PMP2: variants seen among roughly 807,000 people sequenced by gnomAD.
PMP2 encodes myelin P2 protein.
In PMP2, 11 loss-of-function variants were observed where a neutral mutation model predicts 15.9. The observed-to-expected ratio is 0.69, with a 90% CI of 0.44 to 1.14. PMP2 has a LOEUF of 1.14. PMP2 is among the 50% of genes most tolerant of loss of function. PMP2 has a pLI of 0.00. For missense variants in PMP2, 151 were observed against 154.0 expected, an observed-to-expected ratio of 0.98 and a Z score of 0.10; for synonymous variants, 55 against 54.1, an observed-to-expected ratio of 1.02 and a Z score of -0.07.
Position 81,442,313 on chromosome 8 carries a change from G to T in PMP2, c.*1085C>A, listed in dbSNP as rs1181895237. The T allele has an allele frequency of 6.6e-6, 1 of 152,422 alleles. No homozygotes were observed. The highest frequency in any genetic ancestry group is 1.5e-5 in the Non-Finnish European group (1 of 67,938). 9.4% of individuals were successfully genotyped at this position (152,422 alleles called of 1,614,324 possible). A position where few individuals can be genotyped will look rare whatever the true frequency, so the allele number is the denominator to read the frequency against. On this transcript the variant is annotated 3_prime_UTR_variant, in exon 4 of 4. Coordinates refer to ENST00000256103, the MANE Select transcript of PMP2 (RefSeq NM_002677.5). ...AGTTTTATTATTACTTGGGCACAAT[G>T]CAATGGTCCCCCGTTCCTGCCTGTC...
chr8:81,445,282 T>C (rs1807429594), intron 1 of PMP2, among the ~76,000 whole-genome samples: 1 of 152,014 alleles, frequency 6.6e-6, no homozygotes, highest in African/African-American at 2.4e-5. Flanking sequence ...TGGAGTGCAA[T>C]GGAGCAATCT....
chr8:81,442,708 T>TGG lies in PMP2; in HGVS notation c.*688_*689dup, dbSNP rs1254771099. 1.3e-5 allele frequency: 2 copies of TGG among 151,874 alleles called. No homozygotes were observed. The highest frequency in any genetic ancestry group is 2.9e-5 in the Non-Finnish European group (2 of 67,908). 9.4% of individuals were successfully genotyped at this position (151,874 alleles called of 1,614,324 possible). A position where few individuals can be genotyped will look rare whatever the true frequency, so the allele number is the denominator to read the frequency against. The stretch of plus-strand genomic sequence containing the variant: ...AACCACTACTTGCTTTTGGTAGGGG[T>TGG]GGAACAGAAAAGGACACTGATTGGG... On this transcript the variant is annotated 3_prime_UTR_variant, in exon 4 of 4. Transcript: ENST00000256103.
At chr8:81,447,258 C>G in intron 1 of PMP2, 56 bp downstream of exon 1, 1 of 1,326,852 alleles carries the variant, frequency 7.5e-7, no homozygotes. Context: ...ATGAAAATGT[C>G]ATGTAGCTTT....
chr8:81,443,214 T>A lies in PMP2; in HGVS notation c.*184A>T, dbSNP rs1027621507. On this transcript the variant is annotated 3_prime_UTR_variant, in exon 4 of 4. Transcript: ENST00000256103. ...TGCTTTGATGTAATAATGACATGCA[T>A]GCACATTGAAAATGTTTAAATAACA... 2.1e-6 allele frequency: 1 copy of A among 484,620 alleles called. No homozygotes were observed. The highest frequency in any genetic ancestry group is 4.0e-5 in the South Asian group (1 of 25,288). The allele number at this position is 484,620 out of a possible 1,614,324, so 30.0% of individuals were successfully genotyped here. A position where few individuals can be genotyped will look rare whatever the true frequency, so the allele number is the denominator to read the frequency against.
rs1807308297 is a variant in PMP2, at chr8:81,440,562, T to C, written c.*2836A>G. 1 of 152,118 alleles carries C rather than the reference T, an allele frequency of 6.6e-6. No individual in the cohort carries two copies. The highest frequency in any genetic ancestry group is 1.5e-5 in the Non-Finnish European group (1 of 68,012). 9.4% of individuals were successfully genotyped at this position (152,118 alleles called of 1,614,324 possible). A position where few individuals can be genotyped will look rare whatever the true frequency, so the allele number is the denominator to read the frequency against. ...CAAGTGCGGGGTTTTTTTTCAATCATGTTTGGAAATAAGTTCCAACTTACA... is the reference window on the plus strand; with the variant it reads ...CAAGTGCGGGGTTTTTTTTCAATCACGTTTGGAAATAAGTTCCAACTTACA... On this transcript the variant is annotated 3_prime_UTR_variant, in exon 4 of 4. Transcript: ENST00000256103.
chr8:81,441,129 T>C lies in PMP2; in HGVS notation c.*2269A>G, dbSNP rs959938780. On this transcript the variant is annotated 3_prime_UTR_variant, in exon 4 of 4. Transcript: ENST00000256103. ...TGAAGAATTCAGTCAAAACCCCCTG[T>C]CGTTTCTGGTTGTTGTTGTTACAGT... is the stretch of plus-strand genomic sequence containing the variant. 6.6e-6 allele frequency: 1 copy of C among 152,190 alleles called. No homozygotes were observed. The highest frequency in any genetic ancestry group is 1.5e-5 in the Non-Finnish European group (1 of 68,016). 9.4% of individuals were successfully genotyped at this position (152,190 alleles called of 1,614,324 possible). A position where few individuals can be genotyped will look rare whatever the true frequency, so the allele number is the denominator to read the frequency against.
chr8:81,441,799 T>C lies in PMP2; in HGVS notation c.*1599A>G, dbSNP rs1807353970. On this transcript the variant is annotated 3_prime_UTR_variant, in exon 4 of 4. Coordinates refer to ENST00000256103, the MANE Select transcript of PMP2 (RefSeq NM_002677.5). ...ATGTTTTGGCAATATACCTCTATTT[T>C]TTTTTTTAACATTACTTTCTGGCAT... 6.6e-6 allele frequency: 1 copy of C among 152,160 alleles called. No individual in the cohort carries two copies. The highest frequency in any genetic ancestry group is 2.1e-4 in the South Asian group (1 of 4,836). The allele number at this position is 152,160 out of a possible 1,614,324, so 9.4% of individuals were successfully genotyped here.
At position 81,440,599 on chromosome 8, in the gene PMP2, A is replaced by G. The variant is rs1807308670; in HGVS notation, c.*2799T>C. ...AGTTCCAACTTACAGAATAAGTTGC[A>G]AGAATCAGACTGTCTCAAAGAAAAC... On this transcript the variant is annotated 3_prime_UTR_variant, in exon 4 of 4. Transcript: ENST00000256103. 6.6e-6 allele frequency: 1 copy of G among 152,244 alleles called. No individual in the cohort carries two copies. The highest frequency in any genetic ancestry group is 2.4e-5 in the African/African-American group (1 of 41,462). 9.4% of individuals were successfully genotyped at this position (152,244 alleles called of 1,614,324 possible). A position where few individuals can be genotyped will look rare whatever the true frequency, so the allele number is the denominator to read the frequency against.
chr8:81,445,215 T>C (rs1807427853), intron 1 of PMP2, among the ~76,000 whole-genome samples: 1 of 148,986 alleles, frequency 6.7e-6, no homozygotes, highest in Non-Finnish European at 1.5e-5. Flanking sequence ...CAGATTTTCT[T>C]TTTTTTTTTT....
Position 81,442,677 on chromosome 8 carries a change from AAACCAAACCACT to A in PMP2, c.*709_*720del, listed in dbSNP as rs1313428248. On this transcript the variant is annotated 3_prime_UTR_variant, in exon 4 of 4. Coordinates refer to ENST00000256103, the MANE Select transcript of PMP2 (RefSeq NM_002677.5). Reference sequence around the variant, plus strand: ...CAGGTAAAATTAATCTATATGATAGAAACCAAACCACTACTTGCTTTTGGTAGGGGTGGAACA... The same window carrying A: ...CAGGTAAAATTAATCTATATGATAGAACTTGCTTTTGGTAGGGGTGGAACA... 1.3e-5 allele frequency: 2 copies of A among 152,132 alleles called. No individual in the cohort carries two copies. Among genetic ancestry groups the A allele is most frequent in the Non-Finnish European group, 2.9e-5 (2 of 67,980 alleles). The allele number at this position is 152,132 out of a possible 1,614,324, so 9.4% of individuals were successfully genotyped here. A position where few individuals can be genotyped will look rare whatever the true frequency, so the allele number is the denominator to read the frequency against.
intron 3 of PMP2, 113 bp downstream of exon 3, chr8:81,444,387 C>T: frequency 1.5e-6 from 1 of 662,458 alleles, no homozygotes. Flanking sequence ...TTACTTTATT[C>T]TTAGTCATTT....
rs1206266342 is a variant in PMP2, at chr8:81,442,934, T to A, written c.*464A>T. Reference sequence around the variant, plus strand: ...TTGGCTGGAGTAGAGGCTACCCCTTTTAACTGAGACTACAATTCTTTACAT... The same window carrying A: ...TTGGCTGGAGTAGAGGCTACCCCTTATAACTGAGACTACAATTCTTTACAT... On this transcript the variant is annotated 3_prime_UTR_variant, in exon 4 of 4. Coordinates refer to ENST00000256103, the MANE Select transcript of PMP2 (RefSeq NM_002677.5). 1 of 152,306 alleles carries A rather than the reference T, an allele frequency of 6.6e-6. No individual in the cohort carries two copies. The highest frequency in any genetic ancestry group is 6.5e-5 in the Admixed American group (1 of 15,286). 9.4% of individuals were successfully genotyped at this position (152,306 alleles called of 1,614,324 possible). A position where few individuals can be genotyped will look rare whatever the true frequency, so the allele number is the denominator to read the frequency against.
Position 81,447,394 on chromosome 8 carries a change from G to C in PMP2, c.-8C>G, listed in dbSNP as rs1268887601. 2 of 1,609,528 alleles carry C rather than the reference G, an allele frequency of 1.2e-6. No individual in the cohort carries two copies. Among genetic ancestry groups the C allele is most frequent in the East Asian group, 2.2e-5 (1 of 44,864 alleles). ...CAGGAATTTGTTGCTCATCGTGATG[G>C]GTGAGAGCTCAACACAGTTCTAAGT... On this transcript the variant is annotated 5_prime_UTR_variant, in exon 1 of 4. Coordinates refer to ENST00000256103, the MANE Select transcript of PMP2 (RefSeq NM_002677.5).
In PMP2 at chr8:81,444,919, A is replaced by T. The variant is rs2129708286; in HGVS notation, c.144T>A (p.Asp48Glu). ...TACTTTCAGTTCGTATAGTTATAAT[A>T]TCTCCTTTCTTGCTGATGATCACAG... ...KPTVIISKKGDIITIRTESTF... is the reference protein window; with the variant it reads ...KPTVIISKKGEIITIRTESTF... Residue 48 changes from aspartate to glutamate, a missense_variant, in exon 2 of 4, where the codon GAT (aspartate) becomes GAA (glutamate). Transcript: ENST00000256103. The T allele has an allele frequency of 1.2e-6, 2 of 1,613,848 alleles. No individual in the cohort carries two copies. The highest frequency in any genetic ancestry group is 4.5e-5 in the East Asian group (2 of 44,880).
Position 81,443,322 on chromosome 8 carries a change from A to T in PMP2, c.*76T>A. ...AAGCAAAAACAAATATTTGCAGTGT[A>T]TTCAGTTTTGTCAATGGAAGCAATT... On this transcript the variant is annotated 3_prime_UTR_variant, in exon 4 of 4. Transcript: ENST00000256103. 1.1e-6 allele frequency: 1 copy of T among 944,918 alleles called. No individual in the cohort carries two copies. The highest frequency in any genetic ancestry group is 1.7e-6 in the Non-Finnish European group (1 of 595,292). 58.5% of individuals were successfully genotyped at this position (944,918 alleles called of 1,614,324 possible).
intron 3 of PMP2, 51 bp downstream of exon 3, chr8:81,444,449 A>C (rs1807407129): frequency 9.0e-7 from 1 of 1,115,836 alleles, no homozygotes; most frequent in Non-Finnish European, 1.3e-6. Flanking sequence ...CAATATAATC[A>C]AATTATTTAT....
At chr8:81,445,237 C>A (rs1186042026) in intron 1 of PMP2, among the ~76,000 whole-genome samples, 4 of 141,782 alleles carry the variant, frequency 2.8e-5, no homozygotes, top group Non-Finnish European at 6.2e-5. Context: ...TTTTTCTTTT[C>A]TTTTTGAGAC....
chr8:81,443,727 T>A (rs1342715898), intron 3 of PMP2, among the ~76,000 whole-genome samples: 2 of 152,164 alleles, frequency 1.3e-5, no homozygotes, highest in Admixed American at 6.5e-5. Context: ...TTTTCAAAAA[T>A]GTCTACATAT....
At chr8:81,447,277 G>A (rs374404833) in intron 1 of PMP2, 37 bp downstream of exon 1, 1 of 1,503,488 alleles carries the variant, frequency 6.7e-7, no homozygotes, top group Non-Finnish European at 9.3e-7. Flanking sequence ...TTCTTAAAAA[G>A]GAGCTTTTCA....
Sources: allele counts gnomAD v4.1 joint callset (sites outside exome capture counted in the v4.1 genomes callset), GRCh38; gene constraint gnomAD v4.1.1; transcripts MANE v1.5; gene names NCBI Gene and HGNC (gene_info 2026-07-23, HGNC 2026-07-21).